PACSIN3: variants seen among roughly 807,000 people sequenced by gnomAD.
PACSIN3 encodes protein kinase C and casein kinase substrate in neurons protein 3.
A neutral mutation model predicts 56.1 loss-of-function variants in PACSIN3; 34 were observed. The ratio of observed to expected loss-of-function variants is 0.61; its 90% CI spans 0.46 to 0.81. The LOEUF is 0.81. PACSIN3 is among the 30% of genes least tolerant of loss of function. The probability of loss-of-function intolerance (pLI) is 0.00; values close to 1 mark genes in which losing one functional copy is unlikely to be tolerated. For missense variants in PACSIN3, 535 were observed against 592.4 expected (o/e 0.90, Z 1.01); for synonymous variants, 218 against 229.8 (o/e 0.95, Z 0.46).
At chr11:47,185,227 T>A (rs1012617631) in intron 1 of PACSIN3, 2 of 152,138 alleles carry the variant, frequency 1.3e-5, no homozygotes, top group African/African-American at 4.8e-5. Context: ...CGGGCCAAGG[T>A]AGGAAGTCCC....
At position 47,179,345 on chromosome 11, in the gene PACSIN3, G is replaced by A. The variant is rs1952968144; in HGVS notation, c.779+66C>T. The A allele has an allele frequency of 1.2e-6, 2 of 1,613,194 alleles. No individual in the cohort carries two copies. Among genetic ancestry groups the A allele is most frequent in the Admixed American group, 3.3e-5 (2 of 59,978 alleles). ...CCCTGCATCCCTCAGTCCCAGCCAG[G>A]GCCTCGGGGAGATGGAGGAGACCCA... On this transcript the variant is annotated intron_variant, in intron 7 of 10. Coordinates refer to ENST00000298838, the MANE Select transcript of PACSIN3 (RefSeq NM_016223.5). The surrounding 1 kb of genome is among the most constrained non-coding windows in gnomAD (Gnocchi z 4.4).
chr11:47,178,774 A>G lies in PACSIN3; in HGVS notation c.1037+120T>C. ...CATTACAACTACTAAGTAGGCCCTC[A>G]GGTCCCTGGCACCAATTTTCAACCC... On this transcript the variant is annotated intron_variant, in intron 9 of 10. Coordinates refer to ENST00000298838, the MANE Select transcript of PACSIN3 (RefSeq NM_016223.5). This position sits in a 1 kb window ranked among gnomAD's most constrained non-coding sequence, Gnocchi z 4.2. 8.5e-7 allele frequency: 1 copy of G among 1,177,720 alleles called. No homozygotes were observed. Among genetic ancestry groups the G allele is most frequent in the East Asian group, 2.5e-5 (1 of 39,722 alleles). 73.0% of individuals were successfully genotyped at this position (1,177,720 alleles called of 1,614,324 possible).
Position 47,177,807 on chromosome 11 carries a change from C to T in PACSIN3, c.*124G>A, listed in dbSNP as rs937380478. The T allele has an allele frequency of 7.9e-6, 6 of 759,492 alleles. No homozygotes were observed. The highest frequency in any genetic ancestry group is 5.3e-5 in the African/African-American group (3 of 56,882). 47.0% of individuals were successfully genotyped at this position (759,492 alleles called of 1,614,324 possible). ...TCCCCTCCCTGGGTCCCAGGACTTC[C>T]TCCCTCAAGGGACAGAGGAGCAGCC... On this transcript the variant is annotated 3_prime_UTR_variant, in exon 11 of 11. Coordinates refer to ENST00000298838, the MANE Select transcript of PACSIN3 (RefSeq NM_016223.5).
In PACSIN3 at chr11:47,180,484, G is replaced by T; in HGVS notation, c.418C>A (p.Gln140Lys). The change falls in exon 5 of 11, where the codon CAG becomes AAG. Residue 140 changes from glutamine to lysine, a missense_variant. Gln to Lys is a moderately conservative substitution (Grantham distance 53). Transcript: ENST00000298838. The stretch of plus-strand genomic sequence containing the variant: ...TTCAGCCTCTTCAGCCAGGGCTTCT[G>T]GGCCTTGCGGAAGCCGTCCTCGGCC... ...RAAEDGFRKA[Q>K]KPWLKRLKEV... The T allele has an allele frequency of 6.2e-7, 1 of 1,603,730 alleles. No individual in the cohort carries two copies.
At chr11:47,182,380 C>T (rs749992641) in intron 4 of PACSIN3, 23 bp downstream of exon 4, 34 of 1,582,934 alleles carry the variant, frequency 2.1e-5, no homozygotes, top group Admixed American at 8.4e-5. Flanking sequence ...CTGCCCTCTG[C>T]CCCCTGCGAG....
intron 4 of PACSIN3, among the ~76,000 whole-genome samples, chr11:47,181,749 G>A (rs754245630): frequency 5.3e-5 from 8 of 152,222 alleles, no homozygotes; most frequent in Non-Finnish European, 1.0e-4. Flanking sequence ...TGAGGTGGGA[G>A]GATCAGTTGA....
chr11:47,178,448 G>C lies in PACSIN3; in HGVS notation c.1077C>G (p.Pro359=). ...CCCGAACCCCGGTGGCAGCCTTCCG[G>C]GGACTCTCTTCATCTGACCACTCCT... The part of the protein sequence containing the change: ...QDEEWSDEES[P]RKAATGVRVR... Residue 359 remains proline, a synonymous_variant, in exon 10 of 11, where the codon CCC becomes CCG. Transcript: ENST00000298838. The surrounding 1 kb of genome is among the most constrained non-coding windows in gnomAD (Gnocchi z 4.2). The C allele has an allele frequency of 6.2e-7, 1 of 1,613,906 alleles. No individual in the cohort carries two copies. Among genetic ancestry groups the C allele is most frequent in the Non-Finnish European group, 8.5e-7 (1 of 1,180,020 alleles).
At chr11:47,182,282 T>G in intron 4 of PACSIN3, 121 bp downstream of exon 4, 2 of 918,972 alleles carry the variant, frequency 2.2e-6, no homozygotes, top group Non-Finnish European at 3.2e-6. Context: ...CAGGAGGATC[T>G]TCCCTTTCTA....
chr11:47,182,734 C>G lies in PACSIN3; in HGVS notation c.-7G>C. On this transcript the variant is annotated 5_prime_UTR_variant, in exon 3 of 11. Transcript: ENST00000298838. ...CGTCCTCTTCTGGAGCCATGGTGTC[C>G]CCGCAGCACGGAATGGTGGCGGATT... 6.2e-7 allele frequency: 1 copy of G among 1,610,246 alleles called. No homozygotes were observed. Among genetic ancestry groups the G allele is most frequent in the Admixed American group, 1.7e-5 (1 of 59,166 alleles).
chr11:47,178,876 C>T lies in PACSIN3; in HGVS notation c.1037+18G>A, dbSNP rs199743187. 1,269 of 1,613,292 alleles carry T rather than the reference C, an allele frequency of 7.9e-4. 21 individuals are homozygous for T. The South Asian group carries it at 0.012, about 15-fold the overall frequency. On this transcript the variant is annotated intron_variant, in intron 9 of 10. Coordinates refer to ENST00000298838, the MANE Select transcript of PACSIN3 (RefSeq NM_016223.5). This position sits in a 1 kb window ranked among gnomAD's most constrained non-coding sequence, Gnocchi z 4.2. Reference sequence around the variant, plus strand: ...GGCAGAGCTGTTTCTTTGCCACAGCCGCGCTCCTGGCTCTCACCCTGGGGA... The same window carrying T: ...GGCAGAGCTGTTTCTTTGCCACAGCTGCGCTCCTGGCTCTCACCCTGGGGA...
chr11:47,178,527 G>C lies in PACSIN3; in HGVS notation c.1038-40C>G. 2 of 1,602,534 alleles carry C rather than the reference G, an allele frequency of 1.2e-6. No homozygotes were observed. Among genetic ancestry groups the C allele is most frequent in the Non-Finnish European group, 1.7e-6 (2 of 1,173,368 alleles). ...CAAAGGGAGCAGCTCAGAGTGCAAG[G>C]AACACGGGGCTGGAGATCTCACCCA... On this transcript the variant is annotated intron_variant, in intron 9 of 10. Coordinates refer to ENST00000298838, the MANE Select transcript of PACSIN3 (RefSeq NM_016223.5). The surrounding 1 kb of genome is among the most constrained non-coding windows in gnomAD (Gnocchi z 4.2).
In PACSIN3 at chr11:47,177,938, C is replaced by A; in HGVS notation, c.1268G>T (p.Gly423Val). The A allele has an allele frequency of 6.2e-7, 1 of 1,612,998 alleles. No individual in the cohort carries two copies. Among genetic ancestry groups the A allele is most frequent in the East Asian group, 2.2e-5 (1 of 44,876 alleles). Residue 423 changes from glycine (G) to valine (V), a missense_variant, in exon 11 of 11, where the codon GGC (glycine) becomes GTC (valine). Coordinates refer to ENST00000298838, the MANE Select transcript of PACSIN3 (RefSeq NM_016223.5). Reference sequence around the variant, plus strand: ...GAAGGGCTGTCAGGACACTCAGGCGCCCACACACTCCACGTAGTTGGCAGG... The same window carrying A: ...GAAGGGCTGTCAGGACACTCAGGCGACCACACACTCCACGTAGTTGGCAGG... Reference protein sequence around the residue: ...LYPANYVECVGA With the variant: ...LYPANYVECVVA
Position 47,179,274 on chromosome 11 carries a change from T to A in PACSIN3, c.785A>T (p.His262Leu). ...HLDLSSSEKF[H>L]ELHRDLHQGI... ...CTGGTGCAAGTCACGGTGGAGTTCA[T>A]GGAACCTATGACCCAAGGCACACCC... The change falls in exon 8 of 11, where the codon CAT (histidine) becomes CTT (leucine). Residue 262 changes from histidine (H) to leucine (L), a missense_variant. By Grantham distance (99) the His-to-Leu change is moderately conservative. Coordinates refer to ENST00000298838, the MANE Select transcript of PACSIN3 (RefSeq NM_016223.5). This position sits in a 1 kb window ranked among gnomAD's most constrained non-coding sequence, Gnocchi z 4.4. 1 of 1,614,066 alleles carries A rather than the reference T, an allele frequency of 6.2e-7. No homozygotes were observed. Among genetic ancestry groups the A allele is most frequent in the Non-Finnish European group, 8.5e-7 (1 of 1,180,022 alleles).
intron 4 of PACSIN3, 82 bp downstream of exon 4, chr11:47,182,321 T>TTCCCACGAGACGTGCAAA (rs1953041026): frequency 1.4e-6 from 2 of 1,425,192 alleles, no homozygotes; most frequent in East Asian, 4.7e-5. Flanking sequence ...GGCCTCAAAC[T>TTCCCACGAGACGTGCAAA]TCCCACGAGA....
rs1952993031 is a variant in PACSIN3 at position 47,180,281 on chromosome 11, T to A, written c.508A>T (p.Arg170Trp). The A allele has an allele frequency of 2.5e-6, 4 of 1,603,192 alleles. No individual in the cohort carries two copies. The highest frequency in any genetic ancestry group is 3.4e-6 in the Non-Finnish European group (4 of 1,179,976). Reference sequence around the variant, plus strand: ...CTGTCTGCCTTTGCGTGGCTCTCCCTCGTCTGGGCGGTCTTCTCATCCTTC... The same window carrying A: ...CTGTCTGCCTTTGCGTGGCTCTCCCACGTCTGGGCGGTCTTCTCATCCTTC... ...ARKDEKTAQT[R>W]ESHAKADSAV... Residue 170 changes from arginine (R) to tryptophan (W), a missense_variant, in exon 6 of 11, where the codon AGG becomes TGG. Physicochemically the swap from Arg to Trp is moderately radical, Grantham distance 101. Transcript: ENST00000298838.
chr11:47,182,418 C>T lies in PACSIN3; in HGVS notation c.196G>A (p.Gly66Arg), dbSNP rs1172599118. ...CCTGGCTCACCCTTCTCCACGGTCC[C>T]CCTCCACTTTCGGGCCCAGTCAGCC... ...QLADWARKWR[G>R]TVEKGPQYGT... The change falls in exon 4 of 11, where the codon GGG becomes AGG. Residue 66 changes from glycine to arginine, a missense_variant. Transcript: ENST00000298838. 1.3e-6 allele frequency: 2 copies of T among 1,599,606 alleles called. No individual in the cohort carries two copies. Among genetic ancestry groups the T allele is most frequent in the South Asian group, 2.2e-5 (2 of 91,014 alleles).
Position 47,179,858 on chromosome 11 carries a change from G to A in PACSIN3, c.604-272C>T, listed in dbSNP as rs1485472092. 6 of 560,262 alleles carry A rather than the reference G, an allele frequency of 1.1e-5. No homozygotes were observed. The highest frequency in any genetic ancestry group is 6.3e-6 in the Non-Finnish European group (2 of 317,022). 34.7% of individuals were successfully genotyped at this position (560,262 alleles called of 1,614,324 possible). On this transcript the variant is annotated intron_variant, in intron 6 of 10. Coordinates refer to ENST00000298838, the MANE Select transcript of PACSIN3 (RefSeq NM_016223.5). The surrounding 1 kb of genome is among the most constrained non-coding windows in gnomAD (Gnocchi z 4.4). ...AATCAGAAAAGGCTTCCTGGAGGAG[G>A]TGGAAACTGCAGCATCTCAGGATGG...
chr11:47,184,195 C>T (rs1953079566), intron 1 of PACSIN3: 1 of 152,374 alleles, frequency 6.6e-6, no homozygotes, highest in African/African-American at 2.4e-5. Flanking sequence ...GAAATCGCTT[C>T]CTCTCTGAGC....
intron 1 of PACSIN3, among the ~76,000 whole-genome samples, chr11:47,184,723 C>A (rs1272606888): frequency 6.6e-6 from 1 of 152,180 alleles, no homozygotes; most frequent in Admixed American, 6.5e-5. Flanking sequence ...GTCCTGTCTG[C>A]CCAGAAAGGA....
Sources: allele counts gnomAD v4.1 joint callset (sites outside exome capture counted in the v4.1 genomes callset), GRCh38; gene constraint gnomAD v4.1.1; non-coding constraint Gnocchi (gnomAD v3.1); transcripts MANE v1.5; gene names NCBI Gene and HGNC (gene_info 2026-07-23, HGNC 2026-07-21).